The following COBL variants were observed in gnomAD, a reference collection of about 807,000 sequenced individuals.
The protein encoded by COBL is protein cordon-bleu.
Under a neutral mutation model 98.8 loss-of-function variants are expected in COBL, and 51 were observed. That is an observed-to-expected ratio of 0.52 (90% CI 0.41 to 0.65). The LOEUF is 0.65. COBL is among the 30% of genes least tolerant of loss of function. COBL has a pLI of 0.00. For synonymous variants in COBL, 634 were observed against 651.7 expected, an observed-to-expected ratio of 0.97 and a Z score of 0.41; for missense variants, 1,617 against 1,617.5, an observed-to-expected ratio of 1.00 and a Z score of 0.01.
Position 51,138,174 on chromosome 7 carries a change from C to T in COBL, c.784-1843G>A, listed in dbSNP as rs555828935. On this transcript the variant is annotated intron_variant, in intron 5 of 12. Coordinates refer to ENST00000265136, the MANE Select transcript of COBL (RefSeq NM_015198.5). ...TCAGGTGCAGAGTTCCCATAGGAAA[C>T]AGGTGACGGTGATATAACAGAAAAG... is the stretch of plus-strand genomic sequence containing the variant. 8.5e-5 allele frequency among the ~76,000 whole-genome samples: 13 copies of T among 152,304 alleles called. No individual in the cohort carries two copies. The South Asian group carries it at 2.5e-3, about 29-fold the overall frequency.
chr7:51,123,379 G>C (rs577440287), intron 6 of COBL, among the ~76,000 whole-genome samples: 4 of 152,190 alleles, frequency 2.6e-5, no homozygotes, highest in Admixed American at 6.5e-5. Context: ...GTTCCATCAA[G>C]GGAACAGAGT....
chr7:51,087,229 CTATTTAGTTATATA>C (rs1794366598), intron 6 of COBL, among the ~76,000 whole-genome samples: 1 of 151,736 alleles, frequency 6.6e-6, no homozygotes, highest in Non-Finnish European at 1.5e-5. Flanking sequence ...TTAATATTTA[CTATTTAGTTATATA>C]TATTTAGTTA....
chr7:51,156,163 T>G, intron 5 of COBL: 1 of 985,192 alleles, frequency 1.0e-6, no homozygotes, highest in African/African-American at 1.7e-5. Flanking sequence ...CACTAAATGT[T>G]GATTTTTGTA....
chr7:51,077,088 G>T (rs55948221), intron 7 of COBL, among the ~76,000 whole-genome samples: 70,506 of 152,068 alleles, frequency 0.46, 16,758 homozygotes, highest in Middle Eastern at 0.63. Context: ...AAATCAAATG[G>T]CGGCAGAAAG....
chr7:51,210,965 A>G (rs1420009960), intron 2 of COBL, among the ~76,000 whole-genome samples: 1 of 152,206 alleles, frequency 6.6e-6, no homozygotes, highest in East Asian at 1.9e-4. Context: ...AGAGAGGCAC[A>G]GCTGCTGCCT....
intron 1 of COBL, among the ~76,000 whole-genome samples, chr7:51,254,799 C>T (rs1324173589): frequency 6.6e-6 from 1 of 152,186 alleles, no homozygotes; most frequent in Non-Finnish European, 1.5e-5. Flanking sequence ...AGGTGAAAAA[C>T]ATCAACCCTT....
At chr7:51,230,324 T>C (rs561127122) in intron 1 of COBL, among the ~76,000 whole-genome samples, 21 of 152,276 alleles carry the variant, frequency 1.4e-4, no homozygotes, top group African/African-American at 5.1e-4. Context: ...TCCATTTCAG[T>C]CATGGCTTCA....
intron 1 of COBL, among the ~76,000 whole-genome samples, chr7:51,262,405 C>T (rs921058930): frequency 2.0e-5 from 3 of 152,210 alleles, no homozygotes; most frequent in African/African-American, 4.8e-5. Flanking sequence ...GTGTCAGAGT[C>T]AGAAGCTGAA....
chr7:51,065,805 C>G (rs545363577), intron 7 of COBL, among the ~76,000 whole-genome samples: 4 of 152,368 alleles, frequency 2.6e-5, no homozygotes, highest in African/African-American at 9.6e-5. Context: ...AGGATAAGGT[C>G]TTTTAAACGA....
At chr7:51,124,367 T>G (rs1232780419) in intron 6 of COBL, among the ~76,000 whole-genome samples, 2 of 152,130 alleles carry the variant, frequency 1.3e-5, no homozygotes, top group African/African-American at 4.8e-5. Flanking sequence ...GATTTAGCAA[T>G]TAAAATATGA....
intron 2 of COBL, among the ~76,000 whole-genome samples, chr7:51,212,593 C>T (rs759105707): frequency 2.6e-5 from 4 of 152,204 alleles, no homozygotes; most frequent in Non-Finnish European, 4.4e-5. Flanking sequence ...CTGCCAAGGG[C>T]CGTTCTTGAG....
chr7:51,026,088 C>T (rs569051335), intron 11 of COBL, among the ~76,000 whole-genome samples: 1 of 152,344 alleles, frequency 6.6e-6, no homozygotes, highest in African/African-American at 2.4e-5. Flanking sequence ...AATTTCTGTG[C>T]ATGGAAACTA....
intron 6 of COBL, among the ~76,000 whole-genome samples, chr7:51,085,839 G>A (rs1048611708): frequency 3.9e-5 from 6 of 152,184 alleles, no homozygotes; most frequent in Non-Finnish European, 7.3e-5. Flanking sequence ...TGGTCCACAG[G>A]TGGACACATC....
intron 6 of COBL, among the ~76,000 whole-genome samples, chr7:51,102,546 T>C (rs151259530): frequency 6.6e-5 from 10 of 152,286 alleles, no homozygotes; most frequent in African/African-American, 2.4e-4. Flanking sequence ...TGCTGGTGTG[T>C]TTATCTTCCA....
rs1271663975 is a variant in COBL, at chr7:51,240,405, C to T, written c.42-20461G>A. Among the ~76,000 whole-genome samples the T allele has an allele frequency of 2.0e-5, 3 of 152,230 alleles. 1 individual carries two copies. Among genetic ancestry groups the T allele is most frequent in the African/African-American group, 4.8e-5 (2 of 41,460 alleles). ...CATTGTAAGTGAAAATATCCATCAA[C>T]ATTCATGTCAGAACTGAGCTCCTTC... On this transcript the variant is annotated intron_variant, in intron 1 of 12. Coordinates refer to ENST00000265136, the MANE Select transcript of COBL (RefSeq NM_015198.5).
chr7:51,061,655 G>T (rs899615056), intron 7 of COBL, among the ~76,000 whole-genome samples: 1 of 152,166 alleles, frequency 6.6e-6, no homozygotes, highest in African/African-American at 2.4e-5. Context: ...TGAATTGACA[G>T]ACAGTAAGGA....
At chr7:51,251,694 C>T (rs1796737539) in intron 1 of COBL, among the ~76,000 whole-genome samples, 1 of 152,146 alleles carries the variant, frequency 6.6e-6, no homozygotes, top group South Asian at 2.1e-4. Flanking sequence ...GATCACAGTA[C>T]CAGACATACG....
chr7:51,144,769 CAT>C (rs2129015161), intron 5 of COBL, among the ~76,000 whole-genome samples: 1 of 152,294 alleles, frequency 6.6e-6, no homozygotes, highest in African/African-American at 2.4e-5. Flanking sequence ...TTACCTGTTC[CAT>C]ATGTTTCATA....
chr7:51,230,447 AC>A (rs1213771136), intron 1 of COBL, among the ~76,000 whole-genome samples: 1 of 151,420 alleles, frequency 6.6e-6, no homozygotes, highest in African/African-American at 2.4e-5. Context: ...CCCCTCCTTT[AC>A]CCCGTTCCTG....
Sources: gnomAD v4.1 joint callset for allele counts (sites outside exome capture counted in the v4.1 genomes callset) on GRCh38, gnomAD v4.1.1 for gene constraint, MANE v1.5 for transcripts, NCBI Gene and HGNC (gene_info 2026-07-23, HGNC 2026-07-21) for gene names.